The following NAB1 variants were observed in gnomAD, a reference collection of about 807,000 sequenced individuals.
NAB1 encodes the protein NGFI-A binding protein 1, also known as NGFI-A-binding protein 1.
NAB1 carries 25 observed loss-of-function variants against 49.9 expected under a neutral mutation model. That is an observed-to-expected ratio of 0.50 (90% CI 0.37 to 0.70). NAB1 has a LOEUF of 0.70. NAB1 is among the 30% of genes least tolerant of loss of function. The probability of loss-of-function intolerance (pLI) is 0.00; values close to 1 mark genes in which losing one functional copy is unlikely to be tolerated. For missense variants in NAB1, 489 were observed against 575.9 expected (o/e 0.85, Z 1.54); for synonymous variants, 198 against 215.6 (o/e 0.92, Z 0.71).
Position 190,675,911 on chromosome 2 carries a change from G to T in NAB1, c.1005+2759G>T, listed in dbSNP as rs1160445366. ...ACACATGTAGATGGTGTAATCCTTT[G>T]CAAAATATATAGTATTGGTATGAAT... is the stretch of plus-strand genomic sequence containing the variant. On this transcript the variant is annotated intron_variant, in intron 6 of 9. Coordinates refer to ENST00000337386, the MANE Select transcript of NAB1 (RefSeq NM_005966.4). This position sits in a 1 kb window ranked among gnomAD's most constrained non-coding sequence, Gnocchi z 5.2. Among the ~76,000 whole-genome samples, 1 of 152,112 alleles carries T rather than the reference G, an allele frequency of 6.6e-6. No individual in the cohort carries two copies. The highest frequency in any genetic ancestry group is 1.5e-5 in the Non-Finnish European group (1 of 68,010).
intron 7 of NAB1, 116 bp downstream of exon 7, chr2:190,683,943 G>A (rs1695482624): frequency 8.7e-6 from 7 of 808,728 alleles, no homozygotes; most frequent in Non-Finnish European, 1.2e-5. Flanking sequence ...ATTTCCGTTT[G>A]TTTTTTAAAA....
chr2:190,681,836 A>T (rs1032138483), intron 6 of NAB1, among the ~76,000 whole-genome samples: 1 of 152,340 alleles, frequency 6.6e-6, no homozygotes, highest in Admixed American at 6.5e-5. Context: ...TATATCCCAA[A>T]TAAGGTAAAA....
In NAB1 at chr2:190,690,312, A is replaced by C. The variant is rs755323320; in HGVS notation, c.1443A>C (p.Thr481=). The C allele has an allele frequency of 6.2e-7, 1 of 1,611,812 alleles. No individual in the cohort carries two copies. Among genetic ancestry groups the C allele is most frequent in the Non-Finnish European group, 8.5e-7 (1 of 1,178,542 alleles). Residue 481 remains threonine (T), a synonymous_variant, in exon 10 of 10, where the codon ACA becomes ACC. Transcript: ENST00000337386. ...AFTLEKKVIK[T]EPEDSR ...CCTTAGAAAAGAAAGTCATCAAAAC[A>C]GAGCCTGAAGATTCAAGATAGCTGT...
rs190046430 is a variant in NAB1, at chr2:190,681,650, A to C, written c.1006-2088A>C. Among the ~76,000 whole-genome samples, 1,097 of 152,362 alleles carry C rather than the reference A, an allele frequency of 7.2e-3. 48 individuals carry two copies. Among genetic ancestry groups the C allele is most frequent in the East Asian group, 3.7e-3 (19 of 5,188 alleles). Reference sequence around the variant, plus strand: ...GATAAAGCTACATAGGACCATCTTAAGACGTTAAGTTTATTAGCTCTTGGC... The same window carrying C: ...GATAAAGCTACATAGGACCATCTTACGACGTTAAGTTTATTAGCTCTTGGC... On this transcript the variant is annotated intron_variant, in intron 6 of 9. Transcript: ENST00000337386.
Position 190,677,919 on chromosome 2 carries a change from G to A in NAB1, c.1005+4767G>A, listed in dbSNP as rs145174867. Among the ~76,000 whole-genome samples the A allele has an allele frequency of 1.0e-3, 159 of 152,276 alleles. No individual in the cohort carries two copies. Among genetic ancestry groups the A allele is most frequent in the Non-Finnish European group, 1.4e-3 (93 of 68,030 alleles). On this transcript the variant is annotated intron_variant, in intron 6 of 9. Coordinates refer to ENST00000337386, the MANE Select transcript of NAB1 (RefSeq NM_005966.4). The surrounding 1 kb of genome is among the most constrained non-coding windows in gnomAD (Gnocchi z 5.6). ...GGGTTATACCTTTCCTCCTAGTACCGTGTGAAGGGCGAAATGTGTGCAGGA... is the reference window on the plus strand; with the variant it reads ...GGGTTATACCTTTCCTCCTAGTACCATGTGAAGGGCGAAATGTGTGCAGGA...
rs1693505614 is a variant in NAB1 at position 190,649,135 on chromosome 2, C to G, written c.-559C>G. 2.2e-5 allele frequency: 3 copies of G among 133,936 alleles called. No homozygotes were observed. The highest frequency in any genetic ancestry group is 4.7e-5 in the Non-Finnish European group (3 of 63,774). The allele number at this position is 133,936 out of a possible 1,614,324, so 8.3% of individuals were successfully genotyped here. A position where few individuals can be genotyped will look rare whatever the true frequency, so the allele number is the denominator to read the frequency against. ...GGAGGAGCCGCCGCCGCCGCCGCGG[C>G]CAAGCGAGCGCCGTCGGGGCGGGTG... On this transcript the variant is annotated 5_prime_UTR_variant, in exon 1 of 10. Transcript: ENST00000337386. This position sits in a 1 kb window ranked among gnomAD's most constrained non-coding sequence, Gnocchi z 6.1.
rs1695194879 is a variant in NAB1, at chr2:190,678,778, A to G, written c.1006-4960A>G. On this transcript the variant is annotated intron_variant, in intron 6 of 9. Transcript: ENST00000337386. The surrounding 1 kb of genome is among the most constrained non-coding windows in gnomAD (Gnocchi z 4.9). ...AAAGAAAGCTGGTCTAATTTGACGT[A>G]GACTCTTCCCCTCTGGATCAGAAAA... Among the ~76,000 whole-genome samples, 1 of 152,234 alleles carries G rather than the reference A, an allele frequency of 6.6e-6. No homozygotes were observed. Among genetic ancestry groups the G allele is most frequent in the South Asian group, 2.1e-4 (1 of 4,834 alleles).
rs1269824814 is a variant in NAB1, at chr2:190,690,527, G to A, written c.*194G>A. On this transcript the variant is annotated 3_prime_UTR_variant, in exon 10 of 10. Transcript: ENST00000337386. ...ACAGCCACAAAAGAGAAAATCAAGAGTGTTGCAATCTATAACAGTAATATT... is the reference window on the plus strand; with the variant it reads ...ACAGCCACAAAAGAGAAAATCAAGAATGTTGCAATCTATAACAGTAATATT... 5.8e-6 allele frequency: 3 copies of A among 515,184 alleles called. No individual in the cohort carries two copies. The highest frequency in any genetic ancestry group is 5.9e-5 in the East Asian group (2 of 34,116). 31.9% of individuals were successfully genotyped at this position (515,184 alleles called of 1,614,324 possible).
Position 190,681,462 on chromosome 2 carries a change from G to C in NAB1, c.1006-2276G>C, listed in dbSNP as rs75895585. ...TTTATAAGAAAACTGGAATGGCTAAGAAAAAGGGAACTTTGGATTTAGCTT... is the reference window on the plus strand; with the variant it reads ...TTTATAAGAAAACTGGAATGGCTAACAAAAAGGGAACTTTGGATTTAGCTT... On this transcript the variant is annotated intron_variant, in intron 6 of 9. Coordinates refer to ENST00000337386, the MANE Select transcript of NAB1 (RefSeq NM_005966.4). Among the ~76,000 whole-genome samples, 636 of 152,256 alleles carry C rather than the reference G, an allele frequency of 4.2e-3. 11 individuals carry two copies. The East Asian group carries it at 0.046, about 11-fold the overall frequency.
At position 190,659,775 on chromosome 2, in the gene NAB1, CTGAG is replaced by C. The variant is rs1241556877; in HGVS notation, c.602_605del (p.Glu201ValfsTer14). The C allele has an allele frequency of 6.2e-7, 1 of 1,614,078 alleles. No individual in the cohort carries two copies. Among genetic ancestry groups the C allele is most frequent in the Admixed American group, 1.7e-5 (1 of 60,016 alleles). ...GATGCTGCTGCTGCGCTCTCTGTGG[CTGAG>C]TGTGTGGAGCGGATGGCCCCCACAC... On this transcript the variant is annotated frameshift_variant, in exon 4 of 10. Coordinates refer to ENST00000337386, the MANE Select transcript of NAB1 (RefSeq NM_005966.4). LOFTEE classifies it high-confidence loss of function. This position sits in a 1 kb window ranked among gnomAD's most constrained non-coding sequence, Gnocchi z 6.2.
chr2:190,688,121 T>G (rs971305357), intron 9 of NAB1, among the ~76,000 whole-genome samples: 3 of 152,220 alleles, frequency 2.0e-5, no homozygotes, highest in African/African-American at 7.2e-5. Flanking sequence ...CATTCAAGTC[T>G]TTGAGTTAAA....
Position 190,654,616 on chromosome 2 carries a change from G to C in NAB1, c.-196-1361G>C, listed in dbSNP as rs990493745. On this transcript the variant is annotated intron_variant, in intron 2 of 9. Transcript: ENST00000337386. The surrounding 1 kb of genome is among the most constrained non-coding windows in gnomAD (Gnocchi z 5.6). The stretch of plus-strand genomic sequence containing the variant: ...GAGAAGGCTGGAAAGATAGGCTTGG[G>C]TCTGGGATGCCTATATGAGTAGTTT... 6.8e-6 allele frequency among the ~76,000 whole-genome samples: 1 copy of C among 146,668 alleles called. No individual in the cohort carries two copies. The highest frequency in any genetic ancestry group is 1.5e-5 in the Non-Finnish European group (1 of 66,826).
chr2:190,681,937 T>C (rs1332396739), intron 6 of NAB1, among the ~76,000 whole-genome samples: 1 of 152,202 alleles, frequency 6.6e-6, no homozygotes, highest in African/African-American at 2.4e-5. Context: ...TGCAAATATA[T>C]AGCTTATCAA....
intron 4 of NAB1, among the ~76,000 whole-genome samples, chr2:190,661,929 G>T (rs1478728276): frequency 6.6e-6 from 1 of 152,192 alleles, no homozygotes; most frequent in Non-Finnish European, 1.5e-5. Flanking sequence ...ACAGAATCCT[G>T]GGGGAATTGA....
chr2:190,653,433 A>G (rs539230871), intron 2 of NAB1, among the ~76,000 whole-genome samples: 7 of 152,198 alleles, frequency 4.6e-5, no homozygotes, highest in Non-Finnish European at 1.0e-4. Flanking sequence ...AGAGGTTGCT[A>G]TTAACTCAGA....
rs1013142564 is a variant in NAB1 at position 190,657,051 on chromosome 2, T to C, written c.-20+898T>C. Reference sequence around the variant, plus strand: ...ACACATTACACATGTACTTTTTTTTTCTGTATTGCGTTGAAAGCCTATGGA... The same window carrying C: ...ACACATTACACATGTACTTTTTTTTCCTGTATTGCGTTGAAAGCCTATGGA... On this transcript the variant is annotated intron_variant, in intron 3 of 9. Coordinates refer to ENST00000337386, the MANE Select transcript of NAB1 (RefSeq NM_005966.4). The surrounding 1 kb of genome is among the most constrained non-coding windows in gnomAD (Gnocchi z 4.4). Among the ~76,000 whole-genome samples the C allele has an allele frequency of 3.3e-5, 5 of 152,244 alleles. No homozygotes were observed. The highest frequency in any genetic ancestry group is 4.4e-5 in the Non-Finnish European group (3 of 68,042).
At position 190,667,604 on chromosome 2, in the gene NAB1, A is replaced by G. The variant is rs1203231754; in HGVS notation, c.820-2722A>G. Among the ~76,000 whole-genome samples the G allele has an allele frequency of 6.6e-6, 1 of 152,190 alleles. No homozygotes were observed. Among genetic ancestry groups the G allele is most frequent in the African/African-American group, 2.4e-5 (1 of 41,448 alleles). On this transcript the variant is annotated intron_variant, in intron 4 of 9. Transcript: ENST00000337386. The surrounding 1 kb of genome is among the most constrained non-coding windows in gnomAD (Gnocchi z 4.4). ...AAATTCTTCCTTCAATTATGCTTTC[A>G]TATTCAGCTATGGGTTTAAAATAGG...
intron 4 of NAB1, among the ~76,000 whole-genome samples, chr2:190,665,785 A>G (rs987292198): frequency 1.3e-5 from 2 of 152,186 alleles, no homozygotes; most frequent in South Asian, 4.1e-4. Flanking sequence ...GTTCTCTCCC[A>G]GTCATTACTA....
chr2:190,664,087 A>G (rs1419952084), intron 4 of NAB1, among the ~76,000 whole-genome samples: 1 of 152,144 alleles, frequency 6.6e-6, no homozygotes, highest in African/African-American at 2.4e-5. Context: ...AGTGTTCTAT[A>G]TGTGTCTGTT....
Sources: gnomAD v4.1 joint callset for allele counts (sites outside exome capture counted in the v4.1 genomes callset) on GRCh38, gnomAD v4.1.1 for gene constraint, Gnocchi (gnomAD v3.1) non-coding constraint, MANE v1.5 for transcripts, NCBI Gene and HGNC (gene_info 2026-07-23, HGNC 2026-07-21) for gene names.